AARS1: variants seen among roughly 807,000 people sequenced by gnomAD.
AARS1 encodes alanyl-tRNA synthetase 1, also known as alanine--tRNA ligase, cytoplasmic.
In AARS1, 72 loss-of-function variants were observed where a neutral mutation model predicts 108.9. The observed-to-expected ratio is 0.66, with a 90% confidence interval of 0.55 to 0.80. The LOEUF is 0.80. AARS1 is among the 30% of genes least tolerant of loss of function. The pLI is 0.00. For synonymous variants in AARS1, 489 were observed against 465.7 expected, an observed-to-expected ratio of 1.05 and a Z score of -0.64; for missense variants, 1,193 against 1,233.2, an observed-to-expected ratio of 0.97 and a Z score of 0.49.
intron 15 of AARS1, among the ~76,000 whole-genome samples, chr16:70,257,109 C>T (rs1305042224): frequency 1.3e-5 from 2 of 151,930 alleles, no homozygotes; most frequent in Admixed American, 1.3e-4. Context: ...ATTAGCTGGG[C>T]GTGGTGGTGT....
At chr16:70,280,909 C>T (rs775797811) in intron 2 of AARS1, among the ~76,000 whole-genome samples, 5 of 152,262 alleles carry the variant, frequency 3.3e-5, no homozygotes, top group Middle Eastern at 3.4e-3. Context: ...ATCACCATAG[C>T]CTTGACCTCC....
In AARS1 at chr16:70,282,757, A is replaced by C; in HGVS notation, c.7T>G (p.Ser3Ala). The change falls in exon 2 of 21, where the codon TCT becomes GCT. Residue 3 changes from serine to alanine, a missense_variant. Transcript: ENST00000261772. ...CGGATTTCACTTGCTGTTAGAGTAG[A>C]GTCCATCTTGAAAGTCACCCCAAAG... MD[S>A]TLTASEIRQR... 1 of 1,614,116 alleles carries C rather than the reference A, an allele frequency of 6.2e-7. No individual in the cohort carries two copies. The highest frequency in any genetic ancestry group is 1.1e-5 in the South Asian group (1 of 91,092).
intron 4 of AARS1, 50 bp downstream of exon 4, chr16:70,276,436 G>A: frequency 2.5e-6 from 4 of 1,604,488 alleles, no homozygotes; most frequent in South Asian, 1.1e-5. Context: ...CTCTGGCACT[G>A]AGTGTCATTT....
At chr16:70,263,213 T>G (rs1480202455) in intron 11 of AARS1, among the ~76,000 whole-genome samples, 1 of 152,028 alleles carries the variant, frequency 6.6e-6, no homozygotes, top group African/African-American at 2.4e-5. Flanking sequence ...ATAAATTCCC[T>G]AGTCCAAGGT....
At chr16:70,253,135 TGGG>T in intron 20 of AARS1, 130 bp downstream of exon 20, 2 of 896,622 alleles carry the variant, frequency 2.2e-6, no homozygotes, top group Non-Finnish European at 3.6e-6. Flanking sequence ...TAAGAAGGCC[TGGG>T]TAAGGGGTAC....
intron 2 of AARS1, 72 bp from the exon 3 acceptor site, chr16:70,277,226 A>AGAGACGACC: frequency 7.0e-7 from 1 of 1,421,066 alleles, no homozygotes; most frequent in Non-Finnish European, 9.9e-7. Flanking sequence ...ACTAGCAGGA[A>AGAGACGACC]GAGACGACCA....
chr16:70,280,805 G>A (rs1451711876), intron 2 of AARS1, among the ~76,000 whole-genome samples: 1 of 152,086 alleles, frequency 6.6e-6, no homozygotes, highest in Non-Finnish European at 1.5e-5. Context: ...TTTCTCTCAC[G>A]ATAAACCTTT....
At position 70,277,220 on chromosome 16, in the gene AARS1, G is replaced by C. The variant is rs1567610712; in HGVS notation, c.145-66C>G. 6.7e-6 allele frequency: 10 copies of C among 1,490,878 alleles called. No homozygotes were observed. In the East Asian group the frequency reaches 9.0e-5, roughly 13 times the overall value. 92.4% of individuals were successfully genotyped at this position (1,490,878 alleles called of 1,614,324 possible). A position where few individuals can be genotyped will look rare whatever the true frequency, so the allele number is the denominator to read the frequency against. ...AGTGATGTCAGGTGGCCACACACTA[G>C]CAGGAAGAGACGACCACACACTAAC... On this transcript the variant is annotated intron_variant, in intron 2 of 20. Coordinates refer to ENST00000261772, the MANE Select transcript of AARS1 (RefSeq NM_001605.3).
At chr16:70,261,365 G>A (rs1319062496) in intron 12 of AARS1, 3 of 426,444 alleles carry the variant, frequency 7.0e-6, no homozygotes, top group Middle Eastern at 7.3e-4. Context: ...GGAGGCTCAG[G>A]TGAGTAGATC....
chr16:70,278,661 TGAG>T (rs1207744291), intron 2 of AARS1, among the ~76,000 whole-genome samples: 3 of 152,112 alleles, frequency 2.0e-5, no homozygotes, highest in South Asian at 2.1e-4. Context: ...GCTGCCATGT[TGAG>T]GAGAACATTT....
chr16:70,280,510 T>C (rs1373807632), intron 2 of AARS1, among the ~76,000 whole-genome samples: 2 of 152,138 alleles, frequency 1.3e-5, no homozygotes, highest in African/African-American at 2.4e-5. Flanking sequence ...AGGCAGAATA[T>C]GTCCCCATTG....
chr16:70,277,977 A>C (rs981730978), intron 2 of AARS1, among the ~76,000 whole-genome samples: 2 of 151,780 alleles, frequency 1.3e-5, no homozygotes, highest in African/African-American at 4.8e-5. Context: ...GGTCTCGAAC[A>C]CCTAACCCCA....
intron 15 of AARS1, 74 bp downstream of exon 15, chr16:70,257,959 G>A (rs1357334738): frequency 6.5e-7 from 1 of 1,545,880 alleles, no homozygotes; most frequent in African/African-American, 1.4e-5. Flanking sequence ...ACAAGAGTTG[G>A]TCCAGCCTAA....
chr16:70,280,885 T>C (rs553801398), intron 2 of AARS1, among the ~76,000 whole-genome samples: 46 of 152,312 alleles, frequency 3.0e-4, no homozygotes, highest in African/African-American at 1.1e-3. Flanking sequence ...TGAAGTGCAG[T>C]GGTATGATCA....
rs749694980 is a variant in AARS1 at position 70,270,187 on chromosome 16, C to G, written c.816+9G>C. Reference sequence around the variant, plus strand: ...CAGAAGTTTACAATGTTTGCAATAGCACCAGTACCTTCTGAATGGCTTCAA... The same window carrying G: ...CAGAAGTTTACAATGTTTGCAATAGGACCAGTACCTTCTGAATGGCTTCAA... On this transcript the variant is annotated intron_variant, in intron 6 of 20. Transcript: ENST00000261772. The G allele has an allele frequency of 6.2e-7, 1 of 1,614,088 alleles. No homozygotes were observed. The highest frequency in any genetic ancestry group is 1.7e-5 in the Admixed American group (1 of 60,010).
intron 11 of AARS1, among the ~76,000 whole-genome samples, chr16:70,263,772 G>T (rs1159090536): frequency 1.3e-5 from 2 of 151,816 alleles, no homozygotes; most frequent in African/African-American, 4.8e-5. Context: ...AAATAGCTGG[G>T]ACTACAGGCA....
Position 70,265,783 on chromosome 16 carries a change from C to G in AARS1, c.1223-121G>C, listed in dbSNP as rs1960247620. On this transcript the variant is annotated intron_variant, in intron 9 of 20. Transcript: ENST00000261772. ...AAGACACAAGGCTATCAGTATCGGCCCTGTGTGCCCATCAGAAAATCCAGC... is the reference window on the plus strand; with the variant it reads ...AAGACACAAGGCTATCAGTATCGGCGCTGTGTGCCCATCAGAAAATCCAGC... The G allele has an allele frequency of 1.4e-5, 17 of 1,240,760 alleles. No homozygotes were observed. In the South Asian group the frequency reaches 2.2e-4, roughly 16 times the overall value. 76.9% of individuals were successfully genotyped at this position (1,240,760 alleles called of 1,614,324 possible). A position where few individuals can be genotyped will look rare whatever the true frequency, so the allele number is the denominator to read the frequency against.
intron 15 of AARS1, 55 bp from the exon 16 acceptor site, chr16:70,255,891 G>C: frequency 1.3e-6 from 2 of 1,516,250 alleles, no homozygotes; most frequent in East Asian, 2.4e-5. Flanking sequence ...GCCCTTGGCT[G>C]GGGGGTCACA....
rs143811203 is a variant in AARS1, at chr16:70,276,290, A to T, written c.479+196T>A. The T allele has an allele frequency of 3.9e-3, 2,280 of 588,106 alleles. 36 individuals are homozygous for T. Among genetic ancestry groups the T allele is most frequent in the African/African-American group, 0.038 (2,030 of 53,970 alleles). 36.4% of individuals were successfully genotyped at this position (588,106 alleles called of 1,614,324 possible). A position where few individuals can be genotyped will look rare whatever the true frequency, so the allele number is the denominator to read the frequency against. ...TACTCTGTCGCCCAGGCTGGAGTGC[A>T]GTGGAGTGATCTCAGGTCACTGCAA... On this transcript the variant is annotated intron_variant, in intron 4 of 20. Coordinates refer to ENST00000261772, the MANE Select transcript of AARS1 (RefSeq NM_001605.3).
Sources: gnomAD v4.1 joint callset for allele counts (sites outside exome capture counted in the v4.1 genomes callset) on GRCh38, gnomAD v4.1.1 for gene constraint, MANE v1.5 for transcripts, NCBI Gene and HGNC (gene_info 2026-07-23, HGNC 2026-07-21) for gene names.